NYAP2: variants seen among roughly 807,000 people sequenced by gnomAD.
The protein encoded by NYAP2 is neuronal tyrosine-phosphorylated phosphoinositide-3-kinase adaptor 2.
A neutral mutation model predicts 50.4 loss-of-function variants in NYAP2; 23 were observed. The observed-to-expected ratio is 0.46, with a 90% CI of 0.33 to 0.65. NYAP2 has a LOEUF of 0.65. Among genes scored for constraint, NYAP2 ranks in the 30% least tolerant of loss-of-function variants. NYAP2 has a pLI of 0.02. For synonymous variants in NYAP2, 394 were observed against 365.2 expected, an observed-to-expected ratio of 1.08 and a Z score of -0.90; for missense variants, 885 against 861.0, an observed-to-expected ratio of 1.03 and a Z score of -0.35.
At chr2:225,532,992 C>A (rs1427621183) in intron 4 of NYAP2, among the ~76,000 whole-genome samples, 2 of 152,110 alleles carry the variant, frequency 1.3e-5, no homozygotes, top group Non-Finnish European at 2.9e-5. Flanking sequence ...AAAGTCATGA[C>A]AACCCAGTGT....
chr2:225,411,472 A>C (rs1331637425), intron 3 of NYAP2, among the ~76,000 whole-genome samples: 1 of 152,096 alleles, frequency 6.6e-6, no homozygotes, highest in African/African-American at 2.4e-5. Flanking sequence ...TAAATGTCCA[A>C]GTGGAGATGA....
intron 5 of NYAP2, among the ~76,000 whole-genome samples, chr2:225,621,484 T>C (rs931798671): frequency 6.6e-6 from 1 of 151,744 alleles, no homozygotes; most frequent in African/African-American, 2.4e-5. Context: ...GAGGAGGAAA[T>C]GAGGAGCTGT....
intron 3 of NYAP2, among the ~76,000 whole-genome samples, chr2:225,472,950 CT>C (rs1294767591): frequency 6.6e-6 from 1 of 152,150 alleles, no homozygotes; most frequent in African/African-American, 2.4e-5. Context: ...TAATGCTATC[CT>C]TCCCCACTCC....
chr2:225,471,911 T>A (rs1322800872), intron 3 of NYAP2, among the ~76,000 whole-genome samples: 3 of 152,308 alleles, frequency 2.0e-5, no homozygotes, highest in African/African-American at 4.8e-5. Flanking sequence ...ACAAAGCTAC[T>A]AATTTTAACA....
In NYAP2 at chr2:225,641,487, T is replaced by TG. The variant is rs201699616; in HGVS notation, c.1829-9945_1829-9944insG. ...CACACACAAACACACACACAATTTT[T>TG]TTTTTTTAAGGTTATAAAGTACTTA... On this transcript the variant is annotated intron_variant, in intron 6 of 6. Coordinates refer to ENST00000636099, the Ensembl canonical transcript of NYAP2. 5.4e-3 allele frequency among the ~76,000 whole-genome samples: 815 copies of TG among 149,820 alleles called. 12 individuals are homozygous for TG. Among genetic ancestry groups the TG allele is most frequent in the African/African-American group, 0.019 (788 of 40,678 alleles).
At chr2:225,646,188 G>C (rs1009063888) in intron 6 of NYAP2, among the ~76,000 whole-genome samples, 1 of 152,124 alleles carries the variant, frequency 6.6e-6, no homozygotes, top group Admixed American at 6.6e-5. Flanking sequence ...ATGCATTTAG[G>C]TTAGGAATGA....
At chr2:225,420,962 G>T (rs200189220) in intron 3 of NYAP2, among the ~76,000 whole-genome samples, 2 of 151,462 alleles carry the variant, frequency 1.3e-5, no homozygotes, top group East Asian at 3.9e-4. Flanking sequence ...TCCCTCTGTT[G>T]CCCAGGCTGG....
At chr2:225,398,144 T>A (rs1453672395), upstream of NYAP2, among the ~76,000 whole-genome samples, 1 of 152,010 alleles carries the variant, frequency 6.6e-6, no homozygotes. Flanking sequence ...TTGTTTGGAT[T>A]ATTTTGGTGC....
the NYAP2 span, among the ~76,000 whole-genome samples, chr2:225,666,211 A>T: frequency 4.6e-5 from 7 of 152,250 alleles, no homozygotes; most frequent in South Asian, 2.1e-4. Context: ...CATGTCACCT[A>T]TGTAGCCTAC....
intron 3 of NYAP2, among the ~76,000 whole-genome samples, chr2:225,471,615 A>G (rs907422436): frequency 3.9e-5 from 6 of 152,210 alleles, no homozygotes; most frequent in Non-Finnish European, 7.4e-5. Context: ...AGTTGATTTC[A>G]GCAAATATTT....
chr2:225,474,756 A>G (rs1690075197), intron 3 of NYAP2, among the ~76,000 whole-genome samples: 1 of 152,254 alleles, frequency 6.6e-6, no homozygotes, highest in African/African-American at 2.4e-5. Context: ...TCATCTGCAA[A>G]CAAGGACAAT....
chr2:225,554,532 C>T (rs1167087295), intron 4 of NYAP2, among the ~76,000 whole-genome samples: 1 of 151,930 alleles, frequency 6.6e-6, no homozygotes, highest in South Asian at 2.1e-4. Flanking sequence ...CCATGTTGGT[C>T]GGGCTGATCT....
At chr2:225,622,239 C>T (rs1693117263) in intron 5 of NYAP2, among the ~76,000 whole-genome samples, 2 of 152,046 alleles carry the variant, frequency 1.3e-5, no homozygotes, top group African/African-American at 4.8e-5. Context: ...ACTATGTTGC[C>T]CAGACTGATT....
intron 5 of NYAP2, among the ~76,000 whole-genome samples, chr2:225,612,527 C>T (rs1007982468): frequency 6.6e-6 from 1 of 151,948 alleles, no homozygotes; most frequent in African/African-American, 2.4e-5. Flanking sequence ...TAACAAAATA[C>T]CATTGAGTGG....
chr2:225,673,528 T>A, the NYAP2 span, among the ~76,000 whole-genome samples: 1 of 152,152 alleles, frequency 6.6e-6, no homozygotes, highest in Non-Finnish European at 1.5e-5. Context: ...TAAGCTTATG[T>A]AACAATTTCT....
At chr2:225,430,081 A>ATCTC in intron 3 of NYAP2, among the ~76,000 whole-genome samples, 1 of 151,520 alleles carries the variant, frequency 6.6e-6, no homozygotes, top group East Asian at 1.9e-4. Context: ...ACTCATATTT[A>ATCTC]TCTCTCTCTC....
chr2:225,570,584 A>T (rs1214346978), intron 4 of NYAP2, among the ~76,000 whole-genome samples: 2 of 152,196 alleles, frequency 1.3e-5, no homozygotes, highest in South Asian at 4.1e-4. Flanking sequence ...AGATCTCATG[A>T]GAACTCACTC....
At chr2:225,603,493 C>T (rs1692732111) in intron 5 of NYAP2, among the ~76,000 whole-genome samples, 1 of 152,138 alleles carries the variant, frequency 6.6e-6, no homozygotes, top group Non-Finnish European at 1.5e-5. Flanking sequence ...GACAGAGTCT[C>T]ACTCTGTCAC....
At chr2:225,570,649 C>T (rs939268761) in intron 4 of NYAP2, among the ~76,000 whole-genome samples, 1 of 152,238 alleles carries the variant, frequency 6.6e-6, no homozygotes, top group Admixed American at 6.5e-5. Context: ...TTACTTCTCA[C>T]TGGGCCCATC....
Sources: gnomAD v4.1 joint callset for allele counts (sites outside exome capture counted in the v4.1 genomes callset) on GRCh38, gnomAD v4.1.1 for gene constraint, MANE v1.5 for transcripts, NCBI Gene and HGNC (gene_info 2026-07-23, HGNC 2026-07-21) for gene names.